The following ATP9A variants were observed in gnomAD, a reference collection of about 807,000 sequenced individuals.
The protein encoded by ATP9A is ATPase phospholipid transporting 9A, also known as probable phospholipid-transporting ATPase IIA.
ATP9A carries 52 observed loss-of-function variants against 144.1 expected under a neutral mutation model. That is an observed-to-expected ratio of 0.36 (90% CI 0.29 to 0.45). ATP9A has a LOEUF of 0.45. ATP9A is among the 20% of genes least tolerant of loss of function. The pLI, the probability that ATP9A is intolerant of heterozygous loss-of-function variation, is 1.00. For synonymous variants in ATP9A, 582 were observed against 557.4 expected (o/e 1.04, Z -0.62); for missense variants, 947 against 1,392.7 (o/e 0.68, Z 5.09).
chr20:51,648,425 G>A (rs1402154083), intron 14 of ATP9A, among the ~76,000 whole-genome samples: 1 of 152,182 alleles, frequency 6.6e-6, no homozygotes. Flanking sequence ...GCAATGCATC[G>A]TGGCATGATT....
At chr20:51,642,338 A>G (rs1403887341) in intron 14 of ATP9A, among the ~76,000 whole-genome samples, 2 of 151,996 alleles carry the variant, frequency 1.3e-5, no homozygotes, top group Non-Finnish European at 2.9e-5. Flanking sequence ...TAATTTTAAT[A>G]GAGATGGGAT....
intron 1 of ATP9A, among the ~76,000 whole-genome samples, chr20:51,751,004 A>C (rs73911390): frequency 0.02 from 3,078 of 152,262 alleles, 107 homozygotes; most frequent in African/African-American, 0.071. Context: ...AACAAGAGGC[A>C]GGAGGCTGGA....
At chr20:51,627,778 A>C in intron 16 of ATP9A, 95 bp from the exon 17 acceptor site, 2 of 997,410 alleles carry the variant, frequency 2.0e-6, no homozygotes, top group Non-Finnish European at 3.1e-6. Flanking sequence ...CCCCTCCCAC[A>C]GGGTCAGAGA....
chr20:51,762,819 C>A (rs1396302238), intron 1 of ATP9A, among the ~76,000 whole-genome samples: 1 of 150,610 alleles, frequency 6.6e-6, no homozygotes, highest in East Asian at 2.0e-4. Flanking sequence ...AAGCACTCCT[C>A]CTACCTCAGC....
chr20:51,672,043 A>AC (rs2077458387), intron 11 of ATP9A, among the ~76,000 whole-genome samples: 1 of 151,806 alleles, frequency 6.6e-6, no homozygotes, highest in Admixed American at 6.6e-5. Flanking sequence ...CAAGTGATCC[A>AC]CCCGTCTTGG....
At chr20:51,738,604 G>C (rs1186553930) in intron 1 of ATP9A, among the ~76,000 whole-genome samples, 1 of 152,128 alleles carries the variant, frequency 6.6e-6, no homozygotes, top group Non-Finnish European at 1.5e-5. Context: ...AGGTACTCGG[G>C]AGGATTGACG....
intron 13 of ATP9A, among the ~76,000 whole-genome samples, chr20:51,668,188 A>AACC (rs1555834840): frequency 8.1e-6 from 1 of 122,914 alleles, no homozygotes; most frequent in Non-Finnish European, 1.7e-5. Flanking sequence ...AAAAAAAAAA[A>AACC]AAAGGCCGAA....
At chr20:51,686,346 C>G (rs2077522821) in intron 9 of ATP9A, among the ~76,000 whole-genome samples, 2 of 146,670 alleles carry the variant, frequency 1.4e-5, no homozygotes, top group African/African-American at 5.1e-5. Flanking sequence ...CACATGTACC[C>G]TAGAACTTAA....
chr20:51,701,213 A>T (rs540074335), intron 4 of ATP9A, among the ~76,000 whole-genome samples: 1 of 152,304 alleles, frequency 6.6e-6, no homozygotes, highest in South Asian at 2.1e-4. Context: ...CTCATAGAAG[A>T]GCATGTGTTT....
At chr20:51,628,596 G>A (rs1268337960) in intron 16 of ATP9A, among the ~76,000 whole-genome samples, 1 of 152,188 alleles carries the variant, frequency 6.6e-6, no homozygotes, top group Admixed American at 6.5e-5. Flanking sequence ...AATAGAGGGC[G>A]GCCTCTGGCC....
intron 26 of ATP9A, among the ~76,000 whole-genome samples, chr20:51,606,169 A>T (rs1332089527): frequency 6.6e-6 from 1 of 151,988 alleles, no homozygotes; most frequent in Admixed American, 6.5e-5. Flanking sequence ...AGGCCGGAGA[A>T]TCGCTTGAAA....
At position 51,629,001 on chromosome 20, in the gene ATP9A, G is replaced by A. The variant is rs143231369; in HGVS notation, c.1740C>T (p.Tyr580=). ...TTACCTCTTCCTCCAACCAGTCATT[G>A]TACTGCACAATGCCAGCCATGACCA... ...ADVVMAGIVQ[Y]NDWLEEECGN... The change falls in exon 16 of 28, where the codon TAC becomes TAT. Residue 580 remains tyrosine (Y), a synonymous_variant. Transcript: ENST00000338821. 112 of 1,613,952 alleles carry A rather than the reference G, an allele frequency of 6.9e-5. No homozygotes were observed. The African/African-American group carries it at 1.5e-3, about 21-fold the overall frequency.
intron 10 of ATP9A, among the ~76,000 whole-genome samples, chr20:51,675,131 T>A (rs760996134): frequency 2.9e-4 from 44 of 152,236 alleles, no homozygotes; most frequent in Non-Finnish European, 5.4e-4. Flanking sequence ...ATTATTTTAA[T>A]AATAATACAT....
intron 4 of ATP9A, among the ~76,000 whole-genome samples, chr20:51,700,462 C>T (rs2122832758): frequency 6.6e-6 from 1 of 152,294 alleles, no homozygotes; most frequent in African/African-American, 2.4e-5. Flanking sequence ...ACCAAGGCTG[C>T]TGTGAGCTGA....
At chr20:51,617,379 G>A (rs1309013268) in intron 22 of ATP9A, 111 bp downstream of exon 22, 1 of 1,154,374 alleles carries the variant, frequency 8.7e-7, no homozygotes, top group African/African-American at 1.6e-5. Context: ...GATTCCTTAT[G>A]TTTTATCATT....
intron 14 of ATP9A, among the ~76,000 whole-genome samples, chr20:51,648,440 A>ATAGCCAAAAGGGGGAAACCTCC (rs796990554): frequency 7.9e-5 from 12 of 152,334 alleles, no homozygotes; most frequent in African/African-American, 2.9e-4. Context: ...ATGATTTATG[A>ATAGCCAAAAGGGGGAAACCTCC]TAGCCAAAAG....
At chr20:51,707,395 C>T (rs1344551140) in intron 4 of ATP9A, among the ~76,000 whole-genome samples, 1 of 152,094 alleles carries the variant, frequency 6.6e-6, no homozygotes, top group Admixed American at 6.6e-5. Context: ...TTAATCCACC[C>T]ACTGACACTT....
intron 15 of ATP9A, among the ~76,000 whole-genome samples, chr20:51,638,070 T>C (rs2077300544): frequency 3.1e-5 from 1 of 32,396 alleles, no homozygotes; most frequent in Non-Finnish European, 6.4e-5. Context: ...ATTTCATCAT[T>C]TTATATATAT....
At chr20:51,690,221 C>T (rs1029550112) in intron 8 of ATP9A, among the ~76,000 whole-genome samples, 24 of 150,268 alleles carry the variant, frequency 1.6e-4, no homozygotes, top group East Asian at 2.0e-4. Context: ...GGGATCAAGA[C>T]CATCCTGGCT....
Sources: gnomAD v4.1 joint callset for allele counts (sites outside exome capture counted in the v4.1 genomes callset) on GRCh38, gnomAD v4.1.1 for gene constraint, MANE v1.5 for transcripts, NCBI Gene and HGNC (gene_info 2026-07-23, HGNC 2026-07-21) for gene names.